The following QKI variants were observed in gnomAD, a reference collection of about 807,000 sequenced individuals.
QKI encodes QKI, KH domain containing RNA binding.
QKI carries 10 observed loss-of-function variants against 39.0 expected under a neutral mutation model. The observed-to-expected ratio is 0.26, with a 90% CI of 0.16 to 0.43. QKI has a LOEUF of 0.43. Ranked by LOEUF, QKI falls within the 20% of genes least tolerant of loss-of-function variation. The probability of loss-of-function intolerance (pLI) is 1.00; values close to 1 mark genes in which losing one functional copy is unlikely to be tolerated. For missense variants in QKI, 218 were observed against 428.0 expected (o/e 0.51, Z 4.33); for synonymous variants, 204 against 155.4 (o/e 1.31, Z -2.33).
At chr6:163,517,846 T>C (rs1353613972) in intron 3 of QKI, among the ~76,000 whole-genome samples, 3 of 152,174 alleles carry the variant, frequency 2.0e-5, no homozygotes, top group Admixed American at 6.5e-5. Flanking sequence ...GATATTTTCA[T>C]TGATGAGTGA....
intron 1 of QKI, among the ~76,000 whole-genome samples, chr6:163,420,886 A>C (rs550909654): frequency 1.8e-4 from 27 of 152,240 alleles, no homozygotes; most frequent in Non-Finnish European, 3.4e-4. Flanking sequence ...CCTTCTATGG[A>C]GTGATCATTA....
chr6:163,543,249 T>C (rs10484571), intron 4 of QKI, among the ~76,000 whole-genome samples: 4,221 of 152,168 alleles, frequency 0.028, 191 homozygotes, highest in African/African-American at 0.096. Flanking sequence ...TTTGTGGTAT[T>C]GTTGGCCTCC....
chr6:163,502,878 A>G (rs1173499982), intron 3 of QKI, among the ~76,000 whole-genome samples: 1 of 152,024 alleles, frequency 6.6e-6, no homozygotes, highest in Non-Finnish European at 1.5e-5. Context: ...CAGTAATAGG[A>G]TTGCTGGGTC....
At position 163,514,213 on chromosome 6, in the gene QKI, C is replaced by CA. The variant is rs373896946; in HGVS notation, c.403-20762dup. 2.6e-4 allele frequency among the ~76,000 whole-genome samples: 39 copies of CA among 151,844 alleles called. 1 individual carries two copies. The highest frequency in any genetic ancestry group is 8.7e-4 in the African/African-American group (36 of 41,414). ...GGCATTAATGAGACACATCGGGTTT[C>CA]AAAAAAACCTTAAAATACTTTTTAA... On this transcript the variant is annotated intron_variant, in intron 3 of 7. Coordinates refer to ENST00000361752, the MANE Select transcript of QKI (RefSeq NM_006775.3).
intron 4 of QKI, among the ~76,000 whole-genome samples, chr6:163,555,840 TA>T (rs199522159): frequency 0.016 from 2,471 of 152,286 alleles, 74 homozygotes; most frequent in African/African-American, 0.057. Context: ...AGTTTTTTTT[TA>T]AAAGTATATA....
At chr6:163,488,351 G>GAA (rs1294008376) in intron 3 of QKI, among the ~76,000 whole-genome samples, 1 of 152,092 alleles carries the variant, frequency 6.6e-6, no homozygotes, top group African/African-American at 2.4e-5. Flanking sequence ...GAGAGAGAGA[G>GAA]AAAGAAATAG....
At chr6:163,569,586 A>AC (rs1036867624) in intron 7 of QKI, 5 of 1,096,546 alleles carry the variant, frequency 4.6e-6, no homozygotes, top group Middle Eastern at 3.6e-4. Context: ...TAAGGAAGGA[A>AC]CAACTCAAGG....
intron 1 of QKI, among the ~76,000 whole-genome samples, chr6:163,419,604 C>T (rs891446331): frequency 6.6e-6 from 1 of 152,118 alleles, no homozygotes; most frequent in African/African-American, 2.4e-5. Context: ...CAGGAGGTGT[C>T]AGCAGCTATA....
chr6:163,435,539 A>G (rs1253022286), intron 1 of QKI, among the ~76,000 whole-genome samples: 1 of 152,212 alleles, frequency 6.6e-6, no homozygotes, highest in Non-Finnish European at 1.5e-5. Flanking sequence ...TGCTTAGTTC[A>G]GATGAATGAC....
At chr6:163,448,897 A>T (rs1790348170) in intron 1 of QKI, among the ~76,000 whole-genome samples, 1 of 152,146 alleles carries the variant, frequency 6.6e-6, no homozygotes, top group Non-Finnish European at 1.5e-5. Context: ...CTCTGTATTT[A>T]GTCAAGCCTT....
intron 3 of QKI, among the ~76,000 whole-genome samples, chr6:163,497,330 C>A (rs937031303): frequency 2.0e-4 from 30 of 151,998 alleles, no homozygotes; most frequent in Non-Finnish European, 1.2e-4. Flanking sequence ...AAATTTCGCT[C>A]TTTATCAATT....
intron 3 of QKI, among the ~76,000 whole-genome samples, chr6:163,485,989 G>A (rs1777646750): frequency 6.6e-6 from 1 of 152,190 alleles, no homozygotes; most frequent in Non-Finnish European, 1.5e-5. Context: ...ATTTGTGTGG[G>A]GCCACATTCA....
chr6:163,551,555 G>T (rs541399215), intron 4 of QKI, among the ~76,000 whole-genome samples: 1 of 152,218 alleles, frequency 6.6e-6, no homozygotes, highest in Non-Finnish European at 1.5e-5. Context: ...ACCTCCTCTG[G>T]TGTTACCACC....
At chr6:163,496,495 T>C (rs767819158) in intron 3 of QKI, among the ~76,000 whole-genome samples, 3 of 152,214 alleles carry the variant, frequency 2.0e-5, no homozygotes, top group Non-Finnish European at 4.4e-5. Context: ...GCCTTTCCTC[T>C]AAGTAGTCTT....
intron 1 of QKI, among the ~76,000 whole-genome samples, chr6:163,427,485 G>T (rs1788503578): frequency 6.6e-6 from 1 of 151,196 alleles, no homozygotes; most frequent in African/African-American, 2.4e-5. Context: ...CTTTTTTGGT[G>T]GGGGGGTCCT....
intron 3 of QKI, among the ~76,000 whole-genome samples, chr6:163,514,032 T>A (rs1460436113): frequency 6.6e-6 from 1 of 151,892 alleles, no homozygotes. Context: ...ACCCTTGACC[T>A]CCTCAGTTGC....
chr6:163,458,020 G>A (rs1791057258), intron 2 of QKI, among the ~76,000 whole-genome samples: 1 of 152,140 alleles, frequency 6.6e-6, no homozygotes, highest in Non-Finnish European at 1.5e-5. Flanking sequence ...AAACATTCTA[G>A]GCAGAGTGAA....
intron 2 of QKI, among the ~76,000 whole-genome samples, chr6:163,458,180 A>G (rs903381779): frequency 3.9e-5 from 6 of 152,052 alleles, no homozygotes; most frequent in Admixed American, 6.6e-5. Context: ...TTGTTTTGTG[A>G]CTTTGGTACT....
Position 163,563,523 on chromosome 6 carries a change from A to G in QKI, c.738A>G (p.Pro246=), listed in dbSNP as rs754573318. Reference sequence around the variant, plus strand: ...CAGCTGCCCTGCGTACTCCTACGCCAGCTGGCCCTACCATAATGCCTTTGA... The same window carrying G: ...CAGCTGCCCTGCGTACTCCTACGCCGGCTGGCCCTACCATAATGCCTTTGA... ...LPPAALRTPT[P]AGPTIMPLIR... Residue 246 remains proline, a synonymous_variant, in exon 6 of 8, where the codon CCA becomes CCG. Transcript: ENST00000361752. 1.2e-6 allele frequency: 2 copies of G among 1,614,208 alleles called. No individual in the cohort carries two copies. Among genetic ancestry groups the G allele is most frequent in the Middle Eastern group, 1.6e-4 (1 of 6,062 alleles).
Sources: gnomAD v4.1 joint callset for allele counts (sites outside exome capture counted in the v4.1 genomes callset) on GRCh38, gnomAD v4.1.1 for gene constraint, MANE v1.5 for transcripts, NCBI Gene and HGNC (gene_info 2026-07-23, HGNC 2026-07-21) for gene names.